SCIMP: variants seen among roughly 807,000 people sequenced by gnomAD.
SCIMP encodes the protein SLP adapter and CSK-interacting membrane protein.
In SCIMP, 18 loss-of-function variants were observed where a neutral mutation model predicts 22.0. That is an observed-to-expected ratio of 0.82 (90% CI 0.56 to 1.21). The LOEUF (loss-of-function observed/expected upper bound fraction) is 1.21. Ranked by LOEUF, SCIMP falls within the 50% of genes most tolerant of loss-of-function variation. SCIMP has a pLI of 0.00. For missense variants in SCIMP, 155 were observed against 171.2 expected, an observed-to-expected ratio of 0.91 and a Z score of 0.53; for synonymous variants, 53 against 62.2, an observed-to-expected ratio of 0.85 and a Z score of 0.70.
At chr17:5,227,028 C>A (rs537482906) in intron 1 of SCIMP, among the ~76,000 whole-genome samples, 2 of 152,048 alleles carry the variant, frequency 1.3e-5, no homozygotes, top group South Asian at 4.2e-4. Context: ...CGAGTTCAGG[C>A]CCTGGGAAGG....
intron 3 of SCIMP, among the ~76,000 whole-genome samples, chr17:5,216,511 C>G (rs1401348972): frequency 6.6e-6 from 1 of 151,836 alleles, no homozygotes; most frequent in Non-Finnish European, 1.5e-5. Context: ...ACTAAAAATA[C>G]AAAAATTAGC....
At chr17:5,224,389 G>A (rs551658881) in intron 1 of SCIMP, among the ~76,000 whole-genome samples, 43 of 151,788 alleles carry the variant, frequency 2.8e-4, no homozygotes, top group African/African-American at 9.4e-4. Context: ...TGCCTGCCTC[G>A]GCCTCCCAAA....
intron 2 of SCIMP, 125 bp from the exon 3 acceptor site, chr17:5,221,475 A>G (rs1460566898): frequency 1.4e-6 from 1 of 734,730 alleles, no homozygotes; most frequent in Non-Finnish European, 2.4e-6. Context: ...TAGAACCCAG[A>G]CAGTCTAACC....
intron 1 of SCIMP, among the ~76,000 whole-genome samples, chr17:5,228,482 A>T (rs2074669187): frequency 6.6e-6 from 1 of 151,988 alleles, no homozygotes; most frequent in African/African-American, 2.4e-5. Context: ...TGTCTCTACA[A>T]AAAAAATTAA....
chr17:5,227,138 T>C (rs1186403752), intron 1 of SCIMP, among the ~76,000 whole-genome samples: 3 of 152,022 alleles, frequency 2.0e-5, no homozygotes, highest in Admixed American at 6.6e-5. Flanking sequence ...TACTGAAGGA[T>C]CGCAAAGAAG....
intron 1 of SCIMP, among the ~76,000 whole-genome samples, chr17:5,230,102 C>T (rs2074682673): frequency 6.6e-6 from 1 of 152,116 alleles, no homozygotes; most frequent in African/African-American, 2.4e-5. Flanking sequence ...ACCAGGATTA[C>T]AGGCATGAGC....
chr17:5,227,902 C>T (rs1480834727), intron 1 of SCIMP, among the ~76,000 whole-genome samples: 6 of 152,224 alleles, frequency 3.9e-5, no homozygotes, highest in Non-Finnish European at 5.9e-5. Flanking sequence ...ATGTTGGGCG[C>T]GGTGGCTCAT....
At chr17:5,234,555 A>G in intron 1 of SCIMP, 180 bp downstream of exon 1, 7 of 642,578 alleles carry the variant, frequency 1.1e-5, no homozygotes, top group South Asian at 7.4e-5. Flanking sequence ...CCAGTAGAGC[A>G]GATCCTTCAA....
intron 1 of SCIMP, among the ~76,000 whole-genome samples, chr17:5,230,364 A>G (rs1408899959): frequency 6.6e-6 from 1 of 152,224 alleles, no homozygotes; most frequent in African/African-American, 2.4e-5. Context: ...TTCTCCCTGC[A>G]GAGGATCTGC....
Position 5,214,911 on chromosome 17 carries a change from TA to T in SCIMP, c.283+13del. 1 of 1,393,442 alleles carries T rather than the reference TA, an allele frequency of 7.2e-7. No individual in the cohort carries two copies. Among genetic ancestry groups the T allele is most frequent in the Non-Finnish European group, 1.0e-6 (1 of 993,404 alleles). 86.3% of individuals were successfully genotyped at this position (1,393,442 alleles called of 1,614,324 possible). A position where few individuals can be genotyped will look rare whatever the true frequency, so the allele number is the denominator to read the frequency against. ...TTACCCTAAATGAAACTGCTACCAG[TA>T]AAATATACTTACAAGAGTCTTCTAG... On this transcript the variant is annotated intron_variant, in intron 4 of 4. Transcript: ENST00000574081.
In SCIMP at chr17:5,215,911, T is replaced by G. The variant is rs867221597; in HGVS notation, c.210-913A>C. 4.6e-5 allele frequency among the ~76,000 whole-genome samples: 7 copies of G among 151,992 alleles called. No homozygotes were observed. The South Asian group carries it at 1.0e-3, about 23-fold the overall frequency. Reference sequence around the variant, plus strand: ...GATAGATTAATTATGGTAAAGTGACTGGGCAAGGTGGCTGACATTGGTAAT... The same window carrying G: ...GATAGATTAATTATGGTAAAGTGACGGGGCAAGGTGGCTGACATTGGTAAT... On this transcript the variant is annotated intron_variant, in intron 3 of 4. Transcript: ENST00000574081.
intron 1 of SCIMP, among the ~76,000 whole-genome samples, chr17:5,229,246 C>T (rs773182466): frequency 2.0e-5 from 3 of 152,018 alleles, no homozygotes; most frequent in Non-Finnish European, 1.5e-5. Context: ...GTGAAGAGGG[C>T]GTGTGAGTGG....
chr17:5,214,562 A>G (rs1307184325), intron 4 of SCIMP: 1 of 175,002 alleles, frequency 5.7e-6, no homozygotes, highest in East Asian at 1.4e-4. Flanking sequence ...TCTCAAAAAC[A>G]AAAAAAAGTG....
intron 1 of SCIMP, among the ~76,000 whole-genome samples, chr17:5,230,217 A>T (rs189706487): frequency 6.6e-6 from 1 of 152,330 alleles, no homozygotes; most frequent in Admixed American, 6.5e-5. Context: ...AGCTTCCAAG[A>T]GATGTTGCAT....
At chr17:5,215,114 C>A in intron 3 of SCIMP, 116 bp from the exon 4 acceptor site, 1 of 694,324 alleles carries the variant, frequency 1.4e-6, no homozygotes, top group Non-Finnish European at 2.6e-6. Context: ...ATCTTGGTCT[C>A]TACTAATTGG....
At chr17:5,230,999 A>G (rs2074689566) in intron 1 of SCIMP, among the ~76,000 whole-genome samples, 1 of 152,186 alleles carries the variant, frequency 6.6e-6, no homozygotes, top group South Asian at 2.1e-4. Flanking sequence ...ATTTAACTGG[A>G]CTTCCACTAG....
chr17:5,210,857 C>G lies in SCIMP; in HGVS notation c.382G>C (p.Glu128Gln). The change falls in exon 5 of 5, where the codon GAA becomes CAA. Residue 128 changes from glutamate (E) to glutamine (Q), a missense_variant. Transcript: ENST00000574081. The stretch of plus-strand genomic sequence containing the variant: ...ATTTCAACATCGTCATAGTCATCTT[C>G]AGGCTCAATGTAGCTTGGGATGGAA... ...TVSIPSYIEP[E>Q]DDYDDVEIPA... The G allele has an allele frequency of 6.2e-7, 1 of 1,614,000 alleles. No homozygotes were observed. Among genetic ancestry groups the G allele is most frequent in the Non-Finnish European group, 8.5e-7 (1 of 1,180,006 alleles).
chr17:5,218,311 C>A (rs541321415), intron 3 of SCIMP, among the ~76,000 whole-genome samples: 1 of 151,908 alleles, frequency 6.6e-6, no homozygotes, highest in East Asian at 1.9e-4. Flanking sequence ...AGGCATGAAC[C>A]ACTGCCCCTG....
chr17:5,229,028 G>T (rs1490727495), intron 1 of SCIMP, among the ~76,000 whole-genome samples: 1 of 152,196 alleles, frequency 6.6e-6, no homozygotes, highest in Non-Finnish European at 1.5e-5. Flanking sequence ...CCCTGGGCAG[G>T]CTCCCCGTCC....
Sources: allele counts gnomAD v4.1 joint callset (sites outside exome capture counted in the v4.1 genomes callset), GRCh38; gene constraint gnomAD v4.1.1; transcripts MANE v1.5; gene names NCBI Gene and HGNC (gene_info 2026-07-23, HGNC 2026-07-21).